PLVAP: variants seen among roughly 807,000 people sequenced by gnomAD.
PLVAP encodes the protein plasmalemma vesicle associated protein.
A neutral mutation model predicts 43.1 loss-of-function variants in PLVAP; 34 were observed. That is an observed-to-expected ratio of 0.79 (90% CI 0.60 to 1.05). The LOEUF is 1.05. Ranked by LOEUF, PLVAP falls within the 50% of genes least tolerant of loss-of-function variation. The pLI is 0.00. For synonymous variants in PLVAP, 241 were observed against 237.3 expected, an observed-to-expected ratio of 1.02 and a Z score of -0.14; for missense variants, 574 against 593.4, an observed-to-expected ratio of 0.97 and a Z score of 0.34.
chr19:17,370,972 C>T (rs537553333), intron 1 of PLVAP, among the ~76,000 whole-genome samples: 1 of 151,384 alleles, frequency 6.6e-6, no homozygotes, highest in South Asian at 2.1e-4. Context: ...AGGAGAATGG[C>T]GTGAACCTGG....
intron 1 of PLVAP, among the ~76,000 whole-genome samples, chr19:17,368,770 G>A (rs1334986945): frequency 3.3e-5 from 5 of 152,128 alleles, no homozygotes; most frequent in African/African-American, 1.2e-4. Context: ...GAGGTCAAGA[G>A]TTCAAGAGCA....
rs201015498 is a variant in PLVAP at position 17,376,871 on chromosome 19, G to T, written c.369+49C>A. On this transcript the variant is annotated intron_variant, in intron 1 of 5. Coordinates refer to ENST00000252590, the MANE Select transcript of PLVAP (RefSeq NM_031310.3). ...AGGAAACTCAGGCTCAGAGAGGTGA[G>T]GGGGCTTGCTCAGGGTCCCCAGGGC... 21 of 1,544,060 alleles carry T rather than the reference G, an allele frequency of 1.4e-5. No individual in the cohort carries two copies. The East Asian group carries it at 4.3e-4, about 32-fold the overall frequency.
intron 1 of PLVAP, among the ~76,000 whole-genome samples, chr19:17,376,491 C>T (rs944795469): frequency 6.6e-6 from 1 of 151,020 alleles, no homozygotes; most frequent in African/African-American, 2.4e-5. Context: ...GACCCTGTCT[C>T]TTAAGGAAAA....
Position 17,366,185 on chromosome 19 carries a change from G to A in PLVAP, c.380C>T (p.Thr127Met), listed in dbSNP as rs2074549482. Reference protein sequence around the residue: ...RQCQGDRVIYTNNQRYMAAII... With the variant: ...RQCQGDRVIYMNNQRYMAAII... ...GGCAGCCATGTACCTCTGATTGTTCGTGTAGATGACCTGCCCGGAAGATAG... is the reference window on the plus strand; with the variant it reads ...GGCAGCCATGTACCTCTGATTGTTCATGTAGATGACCTGCCCGGAAGATAG... Residue 127 changes from threonine to methionine, a missense_variant, in exon 2 of 6, where the codon ACG becomes ATG. Coordinates refer to ENST00000252590, the MANE Select transcript of PLVAP (RefSeq NM_031310.3). 6.2e-6 allele frequency: 10 copies of A among 1,614,092 alleles called. No homozygotes were observed. Among genetic ancestry groups the A allele is most frequent in the East Asian group, 4.5e-5 (2 of 44,886 alleles).
intron 5 of PLVAP, among the ~76,000 whole-genome samples, chr19:17,352,603 T>A (rs1599569589): frequency 1.3e-5 from 2 of 152,088 alleles, no homozygotes; most frequent in Admixed American, 1.3e-4. Flanking sequence ...ATGGTGAGAC[T>A]GAGGTGTGTT....
intron 5 of PLVAP, among the ~76,000 whole-genome samples, chr19:17,354,061 G>A (rs946236086): frequency 3.3e-5 from 5 of 151,862 alleles, no homozygotes; most frequent in Non-Finnish European, 5.9e-5. Flanking sequence ...AGGCCGAGGT[G>A]GAGGGATCAT....
chr19:17,352,023 G>A lies in PLVAP; in HGVS notation c.*339C>T. The A allele has an allele frequency of 2.7e-6, 1 of 373,062 alleles. No homozygotes were observed. Among genetic ancestry groups the A allele is most frequent in the Non-Finnish European group, 5.0e-6 (1 of 200,308 alleles). 23.1% of individuals were successfully genotyped at this position (373,062 alleles called of 1,614,324 possible). ...TGTGACGTCATGCCAAGTTCCCCATGTCTGTGTGCGACGTGCTGCATCTGC... is the reference window on the plus strand; with the variant it reads ...TGTGACGTCATGCCAAGTTCCCCATATCTGTGTGCGACGTGCTGCATCTGC... On this transcript the variant is annotated 3_prime_UTR_variant, in exon 6 of 6. Transcript: ENST00000252590.
chr19:17,372,879 A>G (rs1210403556), intron 1 of PLVAP, among the ~76,000 whole-genome samples: 5 of 147,234 alleles, frequency 3.4e-5, no homozygotes, highest in Admixed American at 2.0e-4. Context: ...TGGTTAACAT[A>G]GTGAAACCCC....
At chr19:17,361,914 A>T (rs1002107703) in intron 3 of PLVAP, among the ~76,000 whole-genome samples, 4 of 95,276 alleles carry the variant, frequency 4.2e-5, no homozygotes, top group Non-Finnish European at 8.6e-5. Context: ...TACTAAAAAT[A>T]AAAAAAAATA....
At chr19:17,355,231 TAATAATAATAA>T (rs934392421) in intron 5 of PLVAP, among the ~76,000 whole-genome samples, 4 of 104,008 alleles carry the variant, frequency 3.8e-5, no homozygotes, top group African/African-American at 2.0e-4. Context: ...CTCAAAATAA[TAATAATAATAA>T]TAATAATAAT....
intron 5 of PLVAP, among the ~76,000 whole-genome samples, chr19:17,353,108 G>A (rs777334716): frequency 6.6e-6 from 1 of 152,164 alleles, no homozygotes; most frequent in Non-Finnish European, 1.5e-5. Flanking sequence ...TTTCCTGCTG[G>A]GGGAGGAGGG....
intron 5 of PLVAP, among the ~76,000 whole-genome samples, chr19:17,353,012 G>T (rs543861231): frequency 6.6e-6 from 1 of 152,216 alleles, no homozygotes; most frequent in African/African-American, 2.4e-5. Flanking sequence ...TTGCACGATC[G>T]GAGTTGTCTT....
chr19:17,374,393 A>T (rs1180127666), intron 1 of PLVAP, among the ~76,000 whole-genome samples: 1 of 151,570 alleles, frequency 6.6e-6, no homozygotes, highest in Non-Finnish European at 1.5e-5. Context: ...TGAACGCAGA[A>T]GGTGGGGCTT....
At chr19:17,372,199 G>A (rs2074574827) in intron 1 of PLVAP, among the ~76,000 whole-genome samples, 1 of 151,476 alleles carries the variant, frequency 6.6e-6, no homozygotes, top group Non-Finnish European at 1.5e-5. Flanking sequence ...CCTGAGATCA[G>A]GAGTTCCAGA....
intron 5 of PLVAP, among the ~76,000 whole-genome samples, chr19:17,354,474 T>G (rs1274248697): frequency 6.7e-5 from 10 of 148,286 alleles, no homozygotes; most frequent in Non-Finnish European, 1.2e-4. Context: ...GTGCATGCCT[T>G]TAATCCCAGC....
intron 3 of PLVAP, among the ~76,000 whole-genome samples, chr19:17,362,924 T>G (rs8111855): frequency 0.05 from 7,563 of 151,938 alleles, 433 homozygotes; most frequent in East Asian, 0.16. Flanking sequence ...CCAGTATCAC[T>G]CCCAACACTA....
Position 17,365,562 on chromosome 19 carries a change from G to C in PLVAP, c.903C>G (p.Asn301Lys). The C allele has an allele frequency of 6.2e-7, 1 of 1,611,910 alleles. No individual in the cohort carries two copies. Among genetic ancestry groups the C allele is most frequent in the Non-Finnish European group, 8.5e-7 (1 of 1,180,010 alleles). The change falls in exon 3 of 6, where the codon AAC becomes AAG. Residue 301 changes from asparagine (N) to lysine (K), a missense_variant. Transcript: ENST00000252590. ...CCAGCTTCTGGCGTTGGAGGTCTGA[G>C]TTCTCGCGGGCCACGCGTTCGATAT... Reference protein sequence around the residue: ...RADIERVARENSDLQRQKLEA... With the variant: ...RADIERVAREKSDLQRQKLEA...
chr19:17,356,686 G>A (rs1336912952), intron 5 of PLVAP, among the ~76,000 whole-genome samples: 2 of 151,610 alleles, frequency 1.3e-5, no homozygotes, highest in African/African-American at 4.8e-5. Flanking sequence ...TGGGTCGGGT[G>A]TGATGGCTCA....
Position 17,351,840 on chromosome 19 carries a change from A to C in PLVAP, c.*522T>G, listed in dbSNP as rs1245062938. On this transcript the variant is annotated 3_prime_UTR_variant, in exon 6 of 6. Coordinates refer to ENST00000252590, the MANE Select transcript of PLVAP (RefSeq NM_031310.3). ...GTGTGAAAGGGCATGCGTGCATGTGATGTTGGTGCCATATCTATAGGTGTC... is the reference window on the plus strand; with the variant it reads ...GTGTGAAAGGGCATGCGTGCATGTGCTGTTGGTGCCATATCTATAGGTGTC... 6.2e-6 allele frequency: 1 copy of C among 160,836 alleles called. No homozygotes were observed. The highest frequency in any genetic ancestry group is 1.8e-4 in the East Asian group (1 of 5,636). 10.0% of individuals were successfully genotyped at this position (160,836 alleles called of 1,614,324 possible).
Sources: allele counts gnomAD v4.1 joint callset (sites outside exome capture counted in the v4.1 genomes callset), GRCh38; gene constraint gnomAD v4.1.1; transcripts MANE v1.5; gene names NCBI Gene and HGNC (gene_info 2026-07-23, HGNC 2026-07-21).